SCHIP1: variants seen among roughly 807,000 people sequenced by gnomAD.
SCHIP1 encodes schwannomin interacting protein 1, also known as schwannomin-interacting protein 1.
SCHIP1 carries 8 observed loss-of-function variants against 29.7 expected under a neutral mutation model. That is an observed-to-expected ratio of 0.27 (90% CI 0.16 to 0.49). The LOEUF (loss-of-function observed/expected upper bound fraction) is 0.49. Among genes scored for constraint, SCHIP1 ranks in the 20% least tolerant of loss-of-function variants. SCHIP1 has a pLI of 0.99. For synonymous variants in SCHIP1, 76 were observed against 94.9 expected, an observed-to-expected ratio of 0.80 and a Z score of 1.16; for missense variants, 193 against 294.6, an observed-to-expected ratio of 0.66 and a Z score of 2.52.
At chr3:159,560,627 T>C in the SCHIP1 span, among the ~76,000 whole-genome samples, 1 of 152,194 alleles carries the variant, frequency 6.6e-6, no homozygotes, top group East Asian at 1.9e-4. Flanking sequence ...TTTCATGTTT[T>C]ATTCCCATCA....
intron 2 of SCHIP1, among the ~76,000 whole-genome samples, chr3:159,875,039 CTA>C (rs1715662075): frequency 9.2e-6 from 1 of 108,582 alleles, no homozygotes; most frequent in African/African-American, 3.6e-5. Context: ...AAAACAAAAA[CTA>C]TCATTTTTTA....
chr3:159,424,709 C>G, the SCHIP1 span, among the ~76,000 whole-genome samples: 1 of 152,068 alleles, frequency 6.6e-6, no homozygotes, highest in Non-Finnish European at 1.5e-5. Flanking sequence ...AGATACTCCT[C>G]GAGAAGAGCA....
the SCHIP1 span, among the ~76,000 whole-genome samples, chr3:159,425,245 G>T: frequency 6.6e-6 from 1 of 152,066 alleles, no homozygotes; most frequent in Non-Finnish European, 1.5e-5. Flanking sequence ...ACACAGACTG[G>T]CAAATTGGAT....
At chr3:159,791,565 G>A in the SCHIP1 span, among the ~76,000 whole-genome samples, 1 of 152,240 alleles carries the variant, frequency 6.6e-6, no homozygotes, top group Non-Finnish European at 1.5e-5. Flanking sequence ...CTGGAGGGGT[G>A]TCCTACAGGA....
the SCHIP1 span, among the ~76,000 whole-genome samples, chr3:159,494,544 C>T: frequency 2.0e-5 from 3 of 152,106 alleles, no homozygotes; most frequent in Non-Finnish European, 4.4e-5. Context: ...CCCTCTCAAG[C>T]CTAAACCAGG....
At chr3:159,449,372 C>T in the SCHIP1 span, among the ~76,000 whole-genome samples, 3 of 152,036 alleles carry the variant, frequency 2.0e-5, no homozygotes, top group South Asian at 2.1e-4. Flanking sequence ...CAAGGAATAG[C>T]GTATTTTCTT....
chr3:159,522,777 G>A, the SCHIP1 span, among the ~76,000 whole-genome samples: 3 of 152,184 alleles, frequency 2.0e-5, no homozygotes, highest in African/African-American at 7.2e-5. Flanking sequence ...GCTGAGGCAG[G>A]AGAATCCCTT....
the SCHIP1 span, among the ~76,000 whole-genome samples, chr3:159,619,988 T>C: frequency 6.6e-6 from 1 of 152,198 alleles, no homozygotes; most frequent in Non-Finnish European, 1.5e-5. Context: ...ATAACAACAG[T>C]GTACCTAGGT....
At chr3:159,634,354 G>A in the SCHIP1 span, among the ~76,000 whole-genome samples, 18,155 of 152,144 alleles carry the variant, frequency 0.12, 2,832 homozygotes, top group African/African-American at 0.36. Flanking sequence ...AACTATGTAA[G>A]TGTATTACTT....
In SCHIP1 at chr3:159,861,699, C is replaced by G. The variant is rs1714077235; in HGVS notation, c.31-4464C>G. ...CCTGATAGTGATGAGCCCTGTTCCTCAGTTGCCCTTTGTTTTTGCTAGCAA... is the reference window on the plus strand; with the variant it reads ...CCTGATAGTGATGAGCCCTGTTCCTGAGTTGCCCTTTGTTTTTGCTAGCAA... On this transcript the variant is annotated intron_variant, in intron 1 of 6. Coordinates refer to ENST00000445224, the Ensembl canonical transcript of SCHIP1. This position sits in a 1 kb window ranked among gnomAD's most constrained non-coding sequence, Gnocchi z 4.1. 6.6e-6 allele frequency among the ~76,000 whole-genome samples: 1 copy of G among 152,154 alleles called. No homozygotes were observed. Among genetic ancestry groups the G allele is most frequent in the African/African-American group, 2.4e-5 (1 of 41,402 alleles).
the SCHIP1 span, among the ~76,000 whole-genome samples, chr3:159,760,632 TATTCC>T: frequency 6.6e-6 from 1 of 152,228 alleles, no homozygotes; most frequent in Admixed American, 6.5e-5. Context: ...GTTAAGCTCC[TATTCC>T]ATTCCAATTA....
the SCHIP1 span, among the ~76,000 whole-genome samples, chr3:159,358,920 CTTTTTTTTTTTT>C: frequency 3.1e-5 from 3 of 96,548 alleles, no homozygotes; most frequent in African/African-American, 9.6e-5. Flanking sequence ...TATTAGCATC[CTTTTTTTTTTTT>C]TTTTTTTTTT....
At chr3:159,716,108 A>G in the SCHIP1 span, among the ~76,000 whole-genome samples, 9 of 152,352 alleles carry the variant, frequency 5.9e-5, no homozygotes, top group African/African-American at 2.2e-4. Context: ...ACATTCTTAA[A>G]GAAAAGAATT....
chr3:159,683,195 C>T, the SCHIP1 span, among the ~76,000 whole-genome samples: 11 of 152,030 alleles, frequency 7.2e-5, no homozygotes, highest in South Asian at 2.1e-4. Flanking sequence ...GGATTACAGG[C>T]GCACACCACC....
At chr3:159,737,906 G>A in the SCHIP1 span, among the ~76,000 whole-genome samples, 1 of 152,164 alleles carries the variant, frequency 6.6e-6, no homozygotes, top group African/African-American at 2.4e-5. Context: ...CAATGGGTAT[G>A]TGTTGTATTT....
chr3:159,789,427 G>A, the SCHIP1 span, among the ~76,000 whole-genome samples: 3 of 152,152 alleles, frequency 2.0e-5, no homozygotes, highest in South Asian at 2.1e-4. Context: ...ATCTCACCTG[G>A]CATTGACAAA....
chr3:159,534,336 G>A, the SCHIP1 span, among the ~76,000 whole-genome samples: 1 of 152,112 alleles, frequency 6.6e-6, no homozygotes, highest in Admixed American at 6.5e-5. Flanking sequence ...GGTGAAGGCT[G>A]GGGTGGATGA....
chr3:159,390,412 C>A, the SCHIP1 span, among the ~76,000 whole-genome samples: 1 of 151,986 alleles, frequency 6.6e-6, no homozygotes, highest in Non-Finnish European at 1.5e-5. Context: ...TGAGGCTTAT[C>A]TGTTATACAT....
the SCHIP1 span, among the ~76,000 whole-genome samples, chr3:159,469,307 G>A: frequency 2.0e-5 from 3 of 152,086 alleles, no homozygotes; most frequent in East Asian, 3.9e-4. Context: ...TGGCATAATA[G>A]AAAAAGTAAC....
Sources: gnomAD v4.1 joint callset for allele counts (sites outside exome capture counted in the v4.1 genomes callset) on GRCh38, gnomAD v4.1.1 for gene constraint, Gnocchi (gnomAD v3.1) non-coding constraint, MANE v1.5 for transcripts, NCBI Gene and HGNC (gene_info 2026-07-23, HGNC 2026-07-21) for gene names.